The following MYO18A variants were observed in gnomAD, a reference collection of about 807,000 sequenced individuals.
The protein encoded by MYO18A is unconventional myosin-XVIIIa.
MYO18A carries 78 observed loss-of-function variants against 235.8 expected under a neutral mutation model. The observed-to-expected ratio is 0.33, with a 90% confidence interval of 0.28 to 0.40. The LOEUF is 0.40. MYO18A is among the 10% of genes least tolerant of loss of function. The probability of loss-of-function intolerance (pLI) is 1.00; values close to 1 mark genes in which losing one functional copy is unlikely to be tolerated. For missense variants in MYO18A, 2,215 were observed against 2,699.3 expected (o/e 0.82, Z 3.98); for synonymous variants, 977 against 1,077.8 (o/e 0.91, Z 1.83).
chr17:29,083,491 T>G (rs1253375831), intron 40 of MYO18A, among the ~76,000 whole-genome samples: 1 of 140,056 alleles, frequency 7.1e-6, no homozygotes, highest in Non-Finnish European at 1.6e-5. Context: ...CTGAATTATG[T>G]TCTTAAATAA....
intron 2 of MYO18A, among the ~76,000 whole-genome samples, chr17:29,145,938 G>A (rs2067838426): frequency 6.6e-6 from 1 of 152,164 alleles, no homozygotes; most frequent in Admixed American, 6.5e-5. Context: ...GGGAATTCCA[G>A]GGTGAAGAAG....
rs1442008811 is a variant in MYO18A at position 29,074,368 on chromosome 17, C to T, written c.*402G>A. 3.0e-6 allele frequency: 2 copies of T among 668,438 alleles called. No homozygotes were observed. Among genetic ancestry groups the T allele is most frequent in the East Asian group, 2.8e-5 (1 of 36,062 alleles). 41.4% of individuals were successfully genotyped at this position (668,438 alleles called of 1,614,324 possible). ...GAGAGGGAAGGCACTGCTTCTCCTC[C>T]CCCAATCCTCCCCATGGACCCAGCA... On this transcript the variant is annotated 3_prime_UTR_variant, in exon 42 of 42. Transcript: ENST00000527372. This position sits in a 1 kb window ranked among gnomAD's most constrained non-coding sequence, Gnocchi z 4.4.
chr17:29,092,940 G>A lies in MYO18A; in HGVS notation c.4988C>T (p.Ala1663Val). 6.2e-7 allele frequency: 1 copy of A among 1,613,888 alleles called. No individual in the cohort carries two copies. The highest frequency in any genetic ancestry group is 8.5e-7 in the Non-Finnish European group (1 of 1,179,864). The change falls in exon 33 of 42, where the codon GCC becomes GTC. Residue 1663 changes from alanine (A) to valine (V), a missense_variant. Transcript: ENST00000527372. The stretch of plus-strand genomic sequence containing the variant: ...CATGAGCTGGGCATCTGCCAGCAGG[G>A]CCTTGGTGCGCTTCAGGTCCTTCCG... ...RLRKDLKRTK[A>V]LLADAQLMLD...
intron 37 of MYO18A, 113 bp from the exon 38 acceptor site, chr17:29,087,234 C>T (rs1036654993): frequency 4.0e-5 from 45 of 1,111,464 alleles, no homozygotes; most frequent in Non-Finnish European, 5.2e-5. Context: ...CTGGCTCCAC[C>T]GTTCATTGGC....
At position 29,074,062 on chromosome 17, in the gene MYO18A, T is replaced by C. The variant is rs76270749; in HGVS notation, c.*708A>G. Reference sequence around the variant, plus strand: ...CACACACACACTTGTCTGCGTAGGCTTGCTCAACCCAGCCCAGCAGCACCG... The same window carrying C: ...CACACACACACTTGTCTGCGTAGGCCTGCTCAACCCAGCCCAGCAGCACCG... On this transcript the variant is annotated 3_prime_UTR_variant, in exon 42 of 42. Coordinates refer to ENST00000527372, the MANE Select transcript of MYO18A (RefSeq NM_078471.4). This position sits in a 1 kb window ranked among gnomAD's most constrained non-coding sequence, Gnocchi z 4.4. 6.1e-4 allele frequency: 987 copies of C among 1,614,042 alleles called. 6 individuals carry two copies. In the African/African-American group the frequency reaches 0.011, roughly 18 times the overall value.
rs2065888459 is a variant in MYO18A at position 29,071,941 on chromosome 17, T to C, written c.*2829A>G. ...CTAGGCACAGCAGGCAGTCATGAAA[T>C]ATTTCTCAACTGTTAAGCAAATGAA... is the stretch of plus-strand genomic sequence containing the variant. On this transcript the variant is annotated 3_prime_UTR_variant, in exon 42 of 42. Coordinates refer to ENST00000527372, the MANE Select transcript of MYO18A (RefSeq NM_078471.4). The C allele has an allele frequency of 6.6e-6, 1 of 152,246 alleles. No homozygotes were observed. The highest frequency in any genetic ancestry group is 2.1e-4 in the South Asian group (1 of 4,834). 9.4% of individuals were successfully genotyped at this position (152,246 alleles called of 1,614,324 possible).
At chr17:29,116,725 T>TCCCCCCCCCCCCCCCCCCC (rs969314500) in intron 10 of MYO18A, among the ~76,000 whole-genome samples, 1 of 3,564 alleles carries the variant, frequency 2.8e-4, no homozygotes, top group Non-Finnish European at 7.8e-4. Flanking sequence ...AAACACACCC[T>TCCCCCCCCCCCCCCCCCCC]CCCCCCCCCC....
chr17:29,082,416 A>T lies in MYO18A; in HGVS notation c.5920T>A (p.Ser1974Thr). 1 of 1,613,520 alleles carries T rather than the reference A, an allele frequency of 6.2e-7. No homozygotes were observed. The highest frequency in any genetic ancestry group is 8.5e-7 in the Non-Finnish European group (1 of 1,179,838). Reference protein sequence around the residue: ...NKLEGDSDVDSELEDRVDGVK... With the variant: ...NKLEGDSDVDTELEDRVDGVK... ...CCGTCAACACGGTCCTCCAGCTCCG[A>T]GTCCACATCAGAGTCTCCCTCACTG... The change falls in exon 41 of 42, where the codon TCG (serine) becomes ACG (threonine). Residue 1974 changes from serine (S) to threonine (T), a missense_variant. Ser to Thr is a moderately conservative substitution (Grantham distance 58). Coordinates refer to ENST00000527372, the MANE Select transcript of MYO18A (RefSeq NM_078471.4).
chr17:29,085,598 C>T lies in MYO18A; in HGVS notation c.5897+6G>A, dbSNP rs1477720026. 1 of 1,613,858 alleles carries T rather than the reference C, an allele frequency of 6.2e-7. No individual in the cohort carries two copies. Among genetic ancestry groups the T allele is most frequent in the Admixed American group, 1.7e-5 (1 of 60,018 alleles). ...AGGCAGAGAGCACATGCGCTCCAGT[C>T]CTCACAGTTTATTCTTTCTTTTCTG... On this transcript the variant is annotated splice_donor_region_variant and intron_variant, in intron 40 of 41. Coordinates refer to ENST00000527372, the MANE Select transcript of MYO18A (RefSeq NM_078471.4).
chr17:29,139,928 G>A (rs1016588280), intron 2 of MYO18A, among the ~76,000 whole-genome samples: 10 of 152,266 alleles, frequency 6.6e-5, no homozygotes, highest in African/African-American at 1.9e-4. Flanking sequence ...CAAGACTACC[G>A]AGGACCTTGG....
rs1555533695 is a variant in MYO18A at position 29,120,608 on chromosome 17, A to G, written c.1728+8T>C. The stretch of plus-strand genomic sequence containing the variant: ...CCTACTACCCCGAGTCCTGGGCAGC[A>G]CTCTCACCTGAATGGAGGCTGAGGC... On this transcript the variant is annotated splice_region_variant and intron_variant, in intron 7 of 41. Coordinates refer to ENST00000527372, the MANE Select transcript of MYO18A (RefSeq NM_078471.4). The surrounding 1 kb of genome is among the most constrained non-coding windows in gnomAD (Gnocchi z 4.2). 3 of 1,612,676 alleles carry G rather than the reference A, an allele frequency of 1.9e-6. No homozygotes were observed. In the South Asian group the frequency reaches 3.3e-5, roughly 18 times the overall value.
At chr17:29,135,611 G>C (rs888471535) in intron 2 of MYO18A, among the ~76,000 whole-genome samples, 3 of 152,090 alleles carry the variant, frequency 2.0e-5, no homozygotes, top group African/African-American at 7.2e-5. Flanking sequence ...CTTGTCTATA[G>C]AGGTCCCATC....
chr17:29,116,265 C>T (rs1035693473), intron 11 of MYO18A, among the ~76,000 whole-genome samples, 179 bp downstream of exon 11: 2 of 152,182 alleles, frequency 1.3e-5, no homozygotes, highest in Non-Finnish European at 2.9e-5. Flanking sequence ...ACATTAGAAC[C>T]CTCCCTCTTG....
Position 29,166,755 on chromosome 17 carries a change from G to A in MYO18A, c.186C>T (p.Ile62=), listed in dbSNP as rs769023468. 2 of 1,613,860 alleles carry A rather than the reference G, an allele frequency of 1.2e-6. No individual in the cohort carries two copies. Among genetic ancestry groups the A allele is most frequent in the South Asian group, 2.2e-5 (2 of 91,036 alleles). ...SKRESKTRLE[I]SNPIPIKVAS... is the part of the protein sequence containing the mutation. Reference sequence around the variant, plus strand: ...CCACCTTGATGGGGATGGGGTTGGAGATTTCCAGGCGCGTCTTGGATTCAC... The same window carrying A: ...CCACCTTGATGGGGATGGGGTTGGAAATTTCCAGGCGCGTCTTGGATTCAC... The change falls in exon 2 of 42, where the codon ATC becomes ATT. Residue 62 remains isoleucine, a synonymous_variant. Transcript: ENST00000527372.
At chr17:29,134,714 G>A (rs2067555638) in intron 2 of MYO18A, among the ~76,000 whole-genome samples, 1 of 151,730 alleles carries the variant, frequency 6.6e-6, no homozygotes, top group South Asian at 2.1e-4. Context: ...GTAGAGACGG[G>A]GTTTCTCCAT....
Position 29,114,056 on chromosome 17 carries a change from C to A in MYO18A, c.2553G>T (p.Thr851=). 1.2e-6 allele frequency: 2 copies of A among 1,604,324 alleles called. No individual in the cohort carries two copies. Among genetic ancestry groups the A allele is most frequent in the South Asian group, 1.1e-5 (1 of 88,934 alleles). The part of the protein sequence containing the change: ...ELAFDDLEPP[T]DDSVAAVDQA... The stretch of plus-strand genomic sequence containing the variant: ...GGTCCACAGCAGCCACAGAGTCATC[C>A]GTCGGGGGTTCCAAGTCGTCAAACG... The change falls in exon 15 of 42, where the codon ACG becomes ACT. Residue 851 remains threonine, a synonymous_variant. Coordinates refer to ENST00000527372, the MANE Select transcript of MYO18A (RefSeq NM_078471.4).
intron 2 of MYO18A, among the ~76,000 whole-genome samples, chr17:29,153,964 T>C (rs1211984676): frequency 6.6e-6 from 1 of 152,188 alleles, no homozygotes; most frequent in Non-Finnish European, 1.5e-5. Flanking sequence ...GGAAAACTGA[T>C]TCCCCTACCC....
rs2067166748 is a variant in MYO18A at position 29,120,298 on chromosome 17, G to C, written c.1728+318C>G. Among the ~76,000 whole-genome samples the C allele has an allele frequency of 6.6e-6, 1 of 152,208 alleles. No homozygotes were observed. The highest frequency in any genetic ancestry group is 2.4e-5 in the African/African-American group (1 of 41,436). Reference sequence around the variant, plus strand: ...GCCAGTCCTCTGCTAGGTGAAATCGGCCCGAGAGAAGCCCCGAGCATGAAT... The same window carrying C: ...GCCAGTCCTCTGCTAGGTGAAATCGCCCCGAGAGAAGCCCCGAGCATGAAT... On this transcript the variant is annotated intron_variant, in intron 7 of 41. Coordinates refer to ENST00000527372, the MANE Select transcript of MYO18A (RefSeq NM_078471.4). This position sits in a 1 kb window ranked among gnomAD's most constrained non-coding sequence, Gnocchi z 4.2.
intron 12 of MYO18A, 92 bp downstream of exon 12, chr17:29,115,572 T>C (rs2067039039): frequency 2.0e-6 from 3 of 1,482,690 alleles, no homozygotes; most frequent in Non-Finnish European, 2.7e-6. Flanking sequence ...GAGCATCTGT[T>C]CACTCCAGCA....
Sources: gnomAD v4.1 joint callset for allele counts (sites outside exome capture counted in the v4.1 genomes callset) on GRCh38, gnomAD v4.1.1 for gene constraint, Gnocchi (gnomAD v3.1) non-coding constraint, MANE v1.5 for transcripts, NCBI Gene and HGNC (gene_info 2026-07-23, HGNC 2026-07-21) for gene names.